The following LYRM7 variants were observed in gnomAD, a reference collection of about 807,000 sequenced individuals.
The protein encoded by LYRM7 is LYR motif containing 7.
Under a neutral mutation model 15.8 loss-of-function variants are expected in LYRM7, and 9 were observed. The ratio of observed to expected loss-of-function variants is 0.57; its 90% confidence interval spans 0.34 to 0.99. LYRM7 has a LOEUF of 0.99. Ranked by LOEUF, LYRM7 falls within the 50% of genes least tolerant of loss-of-function variation. The pLI is 0.02. For missense variants in LYRM7, 115 were observed against 119.1 expected (o/e 0.97, Z 0.16); for synonymous variants, 39 against 39.4 (o/e 0.99, Z 0.04).
chr5:131,179,473 C>CTTTTTTTTTTTTTTTTTTTTTTT (rs67464966), intron 1 of LYRM7, among the ~76,000 whole-genome samples: 1 of 73,152 alleles, frequency 1.4e-5, no homozygotes, highest in African/African-American at 5.1e-5. Context: ...TTTTTTTTTT[C>CTTTTTTTTTTTTTTTTTTTTTTT]TTTTTTTTTT....
At chr5:131,195,185 T>C (rs763202179) in intron 4 of LYRM7, among the ~76,000 whole-genome samples, 1 of 151,996 alleles carries the variant, frequency 6.6e-6, no homozygotes. Flanking sequence ...GGAGAATTGC[T>C]TGAACATGGG....
chr5:131,178,437 G>T (rs1228671929), intron 1 of LYRM7, among the ~76,000 whole-genome samples: 2 of 152,128 alleles, frequency 1.3e-5, no homozygotes, highest in Non-Finnish European at 2.9e-5. Context: ...TCAGAAACTT[G>T]GTGGCCTCCA....
intron 2 of LYRM7, among the ~76,000 whole-genome samples, chr5:131,181,182 G>A (rs1204344795): frequency 2.1e-5 from 3 of 141,998 alleles, no homozygotes; most frequent in Admixed American, 1.5e-4. Flanking sequence ...TCCCTTGAGG[G>A]AGGAGAATTG....
intron 2 of LYRM7, among the ~76,000 whole-genome samples, chr5:131,181,396 A>G (rs1349891282): frequency 1.4e-4 from 13 of 90,794 alleles, no homozygotes; most frequent in African/African-American, 9.3e-4. Context: ...ATACATATAT[A>G]TTATATATAC....
intron 2 of LYRM7, among the ~76,000 whole-genome samples, chr5:131,181,392 A>G (rs1473364267): frequency 1.0e-5 from 1 of 98,384 alleles, no homozygotes; most frequent in Non-Finnish European, 1.8e-5. Flanking sequence ...ATATATACAT[A>G]TATATTATAT....
rs191706911 is a variant in LYRM7, at chr5:131,176,466, T to C, written c.19-3629T>C. 3.6e-3 allele frequency among the ~76,000 whole-genome samples: 547 copies of C among 152,152 alleles called. 4 individuals carry two copies. Among genetic ancestry groups the C allele is most frequent in the African/African-American group, 0.013 (530 of 41,540 alleles). On this transcript the variant is annotated intron_variant, in intron 1 of 4. Coordinates refer to ENST00000379380, the MANE Select transcript of LYRM7 (RefSeq NM_181705.4). ...TCTCATTGAGGTTTAGATTTGTGTT[T>C]CCAGATGGCACATGACATTGAACAT...
intron 4 of LYRM7, among the ~76,000 whole-genome samples, chr5:131,191,509 A>C (rs1755885727): frequency 6.6e-6 from 1 of 152,182 alleles, no homozygotes. Flanking sequence ...AATAATATCT[A>C]CAGTGGAAAT....
chr5:131,181,263 AAG>A (rs1755686274), intron 2 of LYRM7, among the ~76,000 whole-genome samples: 1 of 117,072 alleles, frequency 8.5e-6, no homozygotes, highest in African/African-American at 3.3e-5. Context: ...GCGACAAAGC[AAG>A]ACTCCATCTG....
chr5:131,196,285 A>C (rs1253775436), intron 4 of LYRM7, among the ~76,000 whole-genome samples: 3 of 151,340 alleles, frequency 2.0e-5, no homozygotes, highest in Non-Finnish European at 4.4e-5. Context: ...CTAAAGTACT[A>C]GGAGTATAGG....
intron 4 of LYRM7, among the ~76,000 whole-genome samples, chr5:131,188,556 A>G (rs932755609): frequency 2.0e-5 from 3 of 152,058 alleles, no homozygotes; most frequent in Admixed American, 6.6e-5. Context: ...TTTTTTATGA[A>G]GTGCCTGTTT....
chr5:131,188,835 C>T (rs1306483977), intron 4 of LYRM7, among the ~76,000 whole-genome samples: 1 of 152,062 alleles, frequency 6.6e-6, no homozygotes, highest in Non-Finnish European at 1.5e-5. Flanking sequence ...AAGAGATTCT[C>T]CTGTGCTTTC....
chr5:131,183,436 T>C (rs1453526101), intron 3 of LYRM7, among the ~76,000 whole-genome samples: 1 of 152,216 alleles, frequency 6.6e-6, no homozygotes, highest in Non-Finnish European at 1.5e-5. Flanking sequence ...ATGATAATTT[T>C]TTAATTTTGA....
At chr5:131,181,343 T>G (rs1755695399) in intron 2 of LYRM7, among the ~76,000 whole-genome samples, 1 of 51,912 alleles carries the variant, frequency 1.9e-5, no homozygotes, top group Non-Finnish European at 3.0e-5. Flanking sequence ...ATATATAACA[T>G]ATATGTTATA....
At chr5:131,189,169 G>T (rs1167216799) in intron 4 of LYRM7, among the ~76,000 whole-genome samples, 1 of 147,454 alleles carries the variant, frequency 6.8e-6, no homozygotes, top group Non-Finnish European at 1.5e-5. Context: ...AAGGCCAGGC[G>T]TGGTGGCTCA....
intron 3 of LYRM7, among the ~76,000 whole-genome samples, chr5:131,182,763 T>C (rs921028656): frequency 1.3e-5 from 2 of 152,228 alleles, no homozygotes; most frequent in Non-Finnish European, 2.9e-5. Flanking sequence ...TTTTGGTCAC[T>C]TGCTCTAGTT....
chr5:131,181,293 A>T (rs1755688262), intron 2 of LYRM7, among the ~76,000 whole-genome samples: 1 of 48,338 alleles, frequency 2.1e-5, no homozygotes, highest in African/African-American at 1.1e-4. Flanking sequence ...AAAAAAAAAA[A>T]AAAAAAAAAA....
rs528416531 is a variant in LYRM7, at chr5:131,182,497, C to G, written c.162+198C>G. On this transcript the variant is annotated intron_variant, in intron 3 of 4. Coordinates refer to ENST00000379380, the MANE Select transcript of LYRM7 (RefSeq NM_181705.4). ...CCGACACCAAAATACAGCAAGGTAC[C>G]CCATCAACAGAACATGGAAATAGCC... Among the ~76,000 whole-genome samples, 108 of 152,156 alleles carry G rather than the reference C, an allele frequency of 7.1e-4. 1 individual carries two copies. Among genetic ancestry groups the G allele is most frequent in the Non-Finnish European group, 2.5e-4 (17 of 68,008 alleles).
intron 2 of LYRM7, 23 bp from the exon 3 acceptor site, chr5:131,182,206 T>G: frequency 7.2e-7 from 1 of 1,394,586 alleles, no homozygotes. Context: ...AGCGAATAAC[T>G]ATATGTATTT....
At chr5:131,192,076 CACACAA>C (rs1165010375) in intron 4 of LYRM7, among the ~76,000 whole-genome samples, 11 of 137,030 alleles carry the variant, frequency 8.0e-5, no homozygotes, top group African/African-American at 3.1e-4. Context: ...CACACACACA[CACACAA>C]TGCAATATTA....
Sources: allele counts gnomAD v4.1 joint callset (sites outside exome capture counted in the v4.1 genomes callset), GRCh38; gene constraint gnomAD v4.1.1; transcripts MANE v1.5; gene names NCBI Gene and HGNC (gene_info 2026-07-23, HGNC 2026-07-21).